The following KIF13B variants were observed in gnomAD, a reference collection of about 807,000 sequenced individuals.
KIF13B encodes kinesin family member 13B, also known as kinesin-like protein KIF13B.
Under a neutral mutation model 222.0 loss-of-function variants are expected in KIF13B, and 127 were observed. The ratio of observed to expected loss-of-function variants is 0.57; its 90% CI spans 0.50 to 0.66. KIF13B has a LOEUF of 0.66. Ranked by LOEUF, KIF13B falls within the 30% of genes least tolerant of loss-of-function variation. The probability of loss-of-function intolerance (pLI) is 0.00; values close to 1 mark genes in which losing one functional copy is unlikely to be tolerated. For missense variants in KIF13B, 2,173 were observed against 2,379.0 expected (o/e 0.91, Z 1.80); for synonymous variants, 976 against 919.0 (o/e 1.06, Z -1.12).
chr8:29,249,556 G>A (rs914014966), intron 1 of KIF13B, among the ~76,000 whole-genome samples: 5 of 151,892 alleles, frequency 3.3e-5, no homozygotes, highest in African/African-American at 9.7e-5. Flanking sequence ...ACTTAAGAGT[G>A]TGTCCACTCT....
intron 37 of KIF13B, among the ~76,000 whole-genome samples, chr8:29,091,412 A>G (rs191560177): frequency 3.5e-4 from 53 of 152,320 alleles, no homozygotes; most frequent in Non-Finnish European, 7.4e-5. Context: ...TTCAACCTAC[A>G]TGACTCCGCC....
chr8:29,178,292 C>A (rs1812567137), intron 8 of KIF13B, among the ~76,000 whole-genome samples: 1 of 152,146 alleles, frequency 6.6e-6, no homozygotes, highest in Non-Finnish European at 1.5e-5. Context: ...AAAAAAAAAT[C>A]TGACCTTTAT....
At chr8:29,124,748 G>A (rs564842469) in intron 26 of KIF13B, among the ~76,000 whole-genome samples, 3 of 152,254 alleles carry the variant, frequency 2.0e-5, no homozygotes, top group Admixed American at 2.0e-4. Flanking sequence ...GCCAGGCGTG[G>A]TGGCGGGTAC....
chr8:29,262,262 G>A (rs1259445239), intron 1 of KIF13B, among the ~76,000 whole-genome samples: 6 of 152,220 alleles, frequency 3.9e-5, no homozygotes, highest in Admixed American at 2.6e-4. Context: ...ACTCCCTGCA[G>A]AGTTAAGAGA....
chr8:29,263,112 G>A (rs1049109509), upstream of KIF13B: 112 of 1,399,422 alleles, frequency 8.0e-5, no homozygotes, highest in African/African-American at 1.5e-3. Context: ...CCCGGCGGGA[G>A]GGGGCCGGGG....
intron 5 of KIF13B, among the ~76,000 whole-genome samples, chr8:29,188,124 T>C (rs1046863604): frequency 2.0e-5 from 3 of 152,214 alleles, no homozygotes; most frequent in African/African-American, 7.2e-5. Flanking sequence ...CCACAGAGAC[T>C]CAAAAGCCAA....
intron 31 of KIF13B, among the ~76,000 whole-genome samples, chr8:29,115,903 C>T (rs1336760237): frequency 2.0e-5 from 3 of 152,200 alleles, no homozygotes; most frequent in African/African-American, 7.2e-5. Flanking sequence ...GCCCTCCTCT[C>T]TGAAGCGCCC....
rs967845529 is a variant in KIF13B at position 29,189,668 on chromosome 8, G to C, written c.224-1061C>G. On this transcript the variant is annotated intron_variant, in intron 4 of 39. Transcript: ENST00000524189. ...GTGATTTACTGAAAGGCGCAGGGGC[G>C]GTAAGAAGCAGGGCTGGGCCTGCAG... is the stretch of plus-strand genomic sequence containing the variant. The C allele has an allele frequency of 3.9e-5, 6 of 152,288 alleles. No individual in the cohort carries two copies. In the East Asian group the frequency reaches 1.2e-3, roughly 29 times the overall value. The allele number at this position is 152,288 out of a possible 1,614,324, so 9.4% of individuals were successfully genotyped here. A position where few individuals can be genotyped will look rare whatever the true frequency, so the allele number is the denominator to read the frequency against.
At chr8:29,211,526 C>T (rs1304854623) in intron 2 of KIF13B, among the ~76,000 whole-genome samples, 1 of 152,114 alleles carries the variant, frequency 6.6e-6, no homozygotes, top group African/African-American at 2.4e-5. Context: ...GTCTGCTGGC[C>T]AGGGAGAAGG....
intron 2 of KIF13B, among the ~76,000 whole-genome samples, chr8:29,240,915 T>A (rs1815748692): frequency 6.6e-6 from 1 of 152,206 alleles, no homozygotes; most frequent in African/African-American, 2.4e-5. Context: ...CCTCAAAATG[T>A]TCAGAATACA....
chr8:29,130,530 T>C lies in KIF13B; in HGVS notation c.3075+3A>G, dbSNP rs560522403. On this transcript the variant is annotated splice_donor_region_variant and intron_variant, in intron 24 of 39. Transcript: ENST00000524189. ...CTAATGTAAACATTCACAATCTTGTTACCTGCCGGAGCTGGAAGATTCCTC... is the reference window on the plus strand; with the variant it reads ...CTAATGTAAACATTCACAATCTTGTCACCTGCCGGAGCTGGAAGATTCCTC... 28 of 1,613,768 alleles carry C rather than the reference T, an allele frequency of 1.7e-5. No individual in the cohort carries two copies. The highest frequency in any genetic ancestry group is 1.6e-4 in the Middle Eastern group (1 of 6,062).
chr8:29,075,754 G>A (rs1256863514), intron 37 of KIF13B, among the ~76,000 whole-genome samples: 1 of 152,194 alleles, frequency 6.6e-6, no homozygotes, highest in South Asian at 2.1e-4. Flanking sequence ...CAGGAGGGGA[G>A]GAGGAAGGAG....
intron 2 of KIF13B, among the ~76,000 whole-genome samples, chr8:29,198,130 G>C (rs1813524046): frequency 6.6e-6 from 1 of 152,178 alleles, no homozygotes; most frequent in African/African-American, 2.4e-5. Context: ...TCTAGCAAAT[G>C]AGTGATACCT....
intron 25 of KIF13B, 43 bp downstream of exon 25, chr8:29,127,079 G>C: frequency 1.3e-6 from 2 of 1,593,724 alleles, no homozygotes; most frequent in South Asian, 1.1e-5. Flanking sequence ...ACTCTGGTCT[G>C]ATTTTGTCTT....
chr8:29,234,113 A>C (rs952406547), intron 2 of KIF13B, among the ~76,000 whole-genome samples: 2 of 152,196 alleles, frequency 1.3e-5, no homozygotes, highest in African/African-American at 4.8e-5. Context: ...TTCAGAGTGC[A>C]GAGATTGATG....
intron 1 of KIF13B, among the ~76,000 whole-genome samples, chr8:29,247,233 A>G (rs1211437643): frequency 6.6e-6 from 1 of 152,024 alleles, no homozygotes; most frequent in Non-Finnish European, 1.5e-5. Context: ...AAAAAACAAC[A>G]AAAAAGTAGC....
intron 18 of KIF13B, among the ~76,000 whole-genome samples, chr8:29,142,587 C>A (rs1019482772): frequency 6.6e-6 from 1 of 152,118 alleles, no homozygotes; most frequent in Non-Finnish European, 1.5e-5. Flanking sequence ...CGCCTGTAAT[C>A]CCAGCACTTT....
At chr8:29,076,753 G>T (rs1042416254) in intron 37 of KIF13B, among the ~76,000 whole-genome samples, 1 of 152,228 alleles carries the variant, frequency 6.6e-6, no homozygotes, top group East Asian at 1.9e-4. Flanking sequence ...GCACTGGCAG[G>T]ATTTGAGAAA....
At chr8:29,113,811 A>C (rs1446484963) in intron 31 of KIF13B, among the ~76,000 whole-genome samples, 1 of 152,220 alleles carries the variant, frequency 6.6e-6, no homozygotes, top group African/African-American at 2.4e-5. Flanking sequence ...AAGTCTGTAA[A>C]CTGGCAGTAG....
Sources: gnomAD v4.1 joint callset for allele counts (sites outside exome capture counted in the v4.1 genomes callset) on GRCh38, gnomAD v4.1.1 for gene constraint, MANE v1.5 for transcripts, NCBI Gene and HGNC (gene_info 2026-07-23, HGNC 2026-07-21) for gene names.